CORO7: variants seen among roughly 807,000 people sequenced by gnomAD.
CORO7 encodes the protein coronin-7.
In CORO7, 107 loss-of-function variants were observed where a neutral mutation model predicts 126.6. The observed-to-expected ratio is 0.85, with a 90% CI of 0.72 to 0.99. The LOEUF (loss-of-function observed/expected upper bound fraction) is 0.99. Among genes scored for constraint, CORO7 ranks in the 50% least tolerant of loss-of-function variants. The probability of loss-of-function intolerance (pLI) is 0.00; values close to 1 mark genes in which losing one functional copy is unlikely to be tolerated. For synonymous variants in CORO7, 603 were observed against 536.8 expected (o/e 1.12, Z -1.70); for missense variants, 1,314 against 1,255.8 (o/e 1.05, Z -0.70).
At chr16:4,387,369 C>T (rs544082515) in intron 9 of CORO7, among the ~76,000 whole-genome samples, 6 of 152,350 alleles carry the variant, frequency 3.9e-5, no homozygotes, top group African/African-American at 1.4e-4. Context: ...CCACACACTT[C>T]TGGGGGCAGA....
chr16:4,357,330 ATTTCTTTCTTTCT>A (rs1335904639), intron 25 of CORO7, 71 bp from the exon 26 acceptor site: 27 of 735,670 alleles, frequency 3.7e-5, no homozygotes, highest in South Asian at 8.4e-5. Flanking sequence ...GCCCTCGGGG[ATTTCTTTCTTTCT>A]TTTCTTTCTT....
In CORO7 at chr16:4,360,485, C is replaced by A. The variant is rs1479010649; in HGVS notation, c.1981G>T (p.Val661Leu). ...QLATVCKDGRVRVYRPRSGPE... is the reference protein window; with the variant it reads ...QLATVCKDGRLRVYRPRSGPE... Reference sequence around the variant, plus strand: ...CCACTCCGGGGCCTGTAGACCCGCACACGCCCATCCTTGCAGACAGTGGCC... The same window carrying A: ...CCACTCCGGGGCCTGTAGACCCGCAAACGCCCATCCTTGCAGACAGTGGCC... Residue 661 changes from valine (V) to leucine (L), a missense_variant, in exon 20 of 28, where the codon GTG becomes TTG. By Grantham distance (32) the Val-to-Leu change is conservative (BLOSUM62 1). Transcript: ENST00000251166. The A allele has an allele frequency of 1.2e-6, 2 of 1,612,418 alleles. No homozygotes were observed. The highest frequency in any genetic ancestry group is 1.7e-6 in the Non-Finnish European group (2 of 1,179,696).
intron 18 of CORO7, 22 bp downstream of exon 18, chr16:4,361,140 C>G: frequency 6.2e-7 from 1 of 1,613,336 alleles, no homozygotes; most frequent in Non-Finnish European, 8.5e-7. Flanking sequence ...CCACCCCAGC[C>G]CCATTCCTGA....
At chr16:4,394,528 C>T (rs1402953915) in intron 7 of CORO7, among the ~76,000 whole-genome samples, 2 of 152,208 alleles carry the variant, frequency 1.3e-5, no homozygotes, top group African/African-American at 2.4e-5. Context: ...GCGCCCCTCG[C>T]GCAGACCCCT....
At chr16:4,393,863 G>T (rs1228944833) in intron 7 of CORO7, among the ~76,000 whole-genome samples, 3 of 152,186 alleles carry the variant, frequency 2.0e-5, no homozygotes, top group African/African-American at 7.2e-5. Context: ...CACTTTGGCA[G>T]GCCGAGGAGG....
rs535707022 is a variant in CORO7, at chr16:4,374,441, G to A, written c.786-8896C>T. Among the ~76,000 whole-genome samples, 4 of 152,124 alleles carry A rather than the reference G, an allele frequency of 2.6e-5. No homozygotes were observed. In the South Asian group the frequency reaches 6.2e-4, roughly 24 times the overall value. ...AGGGGCCAGTTATTCTTCAGGGTTC[G>A]GGACGGCCCCCACCAGACTCTTCGT... On this transcript the variant is annotated intron_variant, in intron 9 of 27. Coordinates refer to ENST00000251166, the MANE Select transcript of CORO7 (RefSeq NM_024535.5).
At chr16:4,389,826 G>A (rs915614096) in intron 7 of CORO7, among the ~76,000 whole-genome samples, 5 of 152,222 alleles carry the variant, frequency 3.3e-5, no homozygotes, top group Admixed American at 1.3e-4. Flanking sequence ...AAATATCTGC[G>A]TGTGTGCAGC....
At chr16:4,358,852 A>C in intron 23 of CORO7, 1 of 283,326 alleles carries the variant, frequency 3.5e-6, no homozygotes. Flanking sequence ...ATTAATTAGA[A>C]GTGATAAACT....
rs375428900 is a variant in CORO7, at chr16:4,364,705, C to T, written c.1045-16G>A. The T allele has an allele frequency of 2.6e-4, 418 of 1,586,414 alleles. 2 individuals carry two copies. Among genetic ancestry groups the T allele is most frequent in the Non-Finnish European group, 2.8e-5 (33 of 1,167,018 alleles). On this transcript the variant is annotated splice_polypyrimidine_tract_variant and intron_variant, in intron 12 of 27. Coordinates refer to ENST00000251166, the MANE Select transcript of CORO7 (RefSeq NM_024535.5). ...ACTCCACAGCCTGGCCGCAGACAAG[C>T]AGGCAGCTAGTGAGGCCCAGGCCCC...
At chr16:4,415,123 T>C (rs1389304849) in intron 1 of CORO7, among the ~76,000 whole-genome samples, 2 of 152,142 alleles carry the variant, frequency 1.3e-5, no homozygotes, top group Non-Finnish European at 2.9e-5. Context: ...CCCAAAGTAC[T>C]GGGATTACCG....
intron 7 of CORO7, among the ~76,000 whole-genome samples, chr16:4,391,387 C>T (rs1379446714): frequency 1.2e-4 from 19 of 152,196 alleles, no homozygotes; most frequent in Admixed American, 1.2e-3. Context: ...GAAACCCCAT[C>T]TCTACCAAAA....
At chr16:4,375,527 A>G (rs8052826) in intron 9 of CORO7, among the ~76,000 whole-genome samples, 115,065 of 152,176 alleles carry the variant, frequency 0.76, 43,800 homozygotes, top group East Asian at 0.8. Flanking sequence ...TTGCTCTGTC[A>G]CCCAGGCTGG....
intron 3 of CORO7, among the ~76,000 whole-genome samples, chr16:4,410,125 T>A (rs2056147554): frequency 6.6e-6 from 1 of 152,002 alleles, no homozygotes; most frequent in African/African-American, 2.4e-5. Context: ...ATAAAAAGCA[T>A]CAAAAAGTCA....
intron 9 of CORO7, among the ~76,000 whole-genome samples, chr16:4,371,629 G>A (rs1218993967): frequency 2.0e-5 from 3 of 152,206 alleles, no homozygotes; most frequent in Non-Finnish European, 4.4e-5. Context: ...GCAGAAACCT[G>A]CCCAGTGTCA....
intron 6 of CORO7, among the ~76,000 whole-genome samples, chr16:4,398,665 G>GA (rs1215312750): frequency 0.036 from 4,172 of 116,140 alleles, 88 homozygotes; most frequent in Middle Eastern, 0.17. Flanking sequence ...GACTCCATCT[G>GA]AAAAAAAAAA....
chr16:4,360,617 TGCCCCTCCTCACTGCTGGCGCC>T (rs1426770227), intron 19 of CORO7, 69 bp from the exon 20 acceptor site: 32 of 1,512,852 alleles, frequency 2.1e-5, no homozygotes, highest in Middle Eastern at 4.3e-4. Context: ...CCACTGCTCC[TGCCCCTCCTCACTGCTGGCGCC>T]GCCCCTCCTC....
chr16:4,360,332 G>A lies in CORO7; in HGVS notation c.2054C>T (p.Ala685Val). The change falls in exon 21 of 28, where the codon GCT becomes GTT. Residue 685 changes from alanine to valine, a missense_variant. Coordinates refer to ENST00000251166, the MANE Select transcript of CORO7 (RefSeq NM_024535.5). The part of the protein sequence containing the change: ...EGPGPKGGRG[A>V]RIVWVCDGRC... Reference sequence around the variant, plus strand: ...ACCATCACATACCCAGACAATGCGAGCTCCGCGTCCTCCCTTGGGCCCTGG... The same window carrying A: ...ACCATCACATACCCAGACAATGCGAACTCCGCGTCCTCCCTTGGGCCCTGG... 6.2e-7 allele frequency: 1 copy of A among 1,613,696 alleles called. No homozygotes were observed. Among genetic ancestry groups the A allele is most frequent in the Non-Finnish European group, 8.5e-7 (1 of 1,180,000 alleles).
intron 7 of CORO7, among the ~76,000 whole-genome samples, chr16:4,393,592 G>C (rs1395843593): frequency 6.6e-6 from 1 of 152,176 alleles, no homozygotes; most frequent in African/African-American, 2.4e-5. Context: ...TGTGTGTAGG[G>C]GGCTCTGGGG....
At position 4,357,279 on chromosome 16, in the gene CORO7, C is replaced by T. The variant is rs766394644; in HGVS notation, c.2594-20G>A. On this transcript the variant is annotated intron_variant, in intron 25 of 27. Coordinates refer to ENST00000251166, the MANE Select transcript of CORO7 (RefSeq NM_024535.5). ...GGCTCACTGGGACAGAGCAAGGACA[C>T]GTGTCAGAGAGTCCCCTTCGTTAGG... 3.4e-5 allele frequency: 55 copies of T among 1,598,700 alleles called. No homozygotes were observed. Among genetic ancestry groups the T allele is most frequent in the South Asian group, 3.3e-4 (30 of 89,908 alleles).
Sources: allele counts gnomAD v4.1 joint callset (sites outside exome capture counted in the v4.1 genomes callset), GRCh38; gene constraint gnomAD v4.1.1; transcripts MANE v1.5; gene names NCBI Gene and HGNC (gene_info 2026-07-23, HGNC 2026-07-21).